Variants in RFX3 observed in about 807,000 individuals in gnomAD.
RFX3 encodes transcription factor RFX3.
RFX3 carries 14 observed loss-of-function variants against 98.6 expected under a neutral mutation model. That is an observed-to-expected ratio of 0.14 (90% CI 0.09 to 0.22). RFX3 has a LOEUF of 0.22. Among genes scored for constraint, RFX3 ranks in the 10% least tolerant of loss-of-function variants. The probability of loss-of-function intolerance (pLI) is 1.00; values close to 1 mark genes in which losing one functional copy is unlikely to be tolerated. For missense variants in RFX3, 639 were observed against 926.9 expected, an observed-to-expected ratio of 0.69 and a Z score of 4.03; for synonymous variants, 383 against 328.4, an observed-to-expected ratio of 1.17 and a Z score of -1.80.
In RFX3 at chr9:3,440,031, C is replaced by T. The variant is rs746434279; in HGVS notation, c.-8-44435G>A. ...AACTTAACAATCATCTAAATAGGCA[C>T]CTAAAAGTATTTAACAAATTCTAAC... is the stretch of plus-strand genomic sequence containing the variant. On this transcript the variant is annotated intron_variant, in intron 1 of 16. Coordinates refer to ENST00000617270, the MANE Select transcript of RFX3 (RefSeq NM_001282116.2). Among the ~76,000 whole-genome samples the T allele has an allele frequency of 1.0e-3, 156 of 151,856 alleles. 3 individuals carry two copies. The highest frequency in any genetic ancestry group is 2.9e-4 in the Non-Finnish European group (20 of 67,892).
In RFX3 at chr9:3,366,319, G is replaced by C. The variant is rs146830664; in HGVS notation, c.118-19555C>G. 1.6e-3 allele frequency among the ~76,000 whole-genome samples: 248 copies of C among 152,126 alleles called. 1 individual carries two copies. The highest frequency in any genetic ancestry group is 5.8e-3 in the African/African-American group (240 of 41,514). On this transcript the variant is annotated intron_variant, in intron 2 of 16. Transcript: ENST00000617270. ...ATGTGTGTTTTCCTACTTCTTGTTTGTTTTTTTGCACTTAACAATACATCT... is the reference window on the plus strand; with the variant it reads ...ATGTGTGTTTTCCTACTTCTTGTTTCTTTTTTTGCACTTAACAATACATCT...
At chr9:3,384,743 C>G (rs527374325) in intron 2 of RFX3, among the ~76,000 whole-genome samples, 2 of 152,042 alleles carry the variant, frequency 1.3e-5, no homozygotes, top group African/African-American at 4.8e-5. Flanking sequence ...CTCAAGATAC[C>G]AAGACACCTG....
chr9:3,225,393 T>C (rs1817647287), intron 16 of RFX3, 113 bp from the exon 17 acceptor site: 1 of 1,452,436 alleles, frequency 6.9e-7, no homozygotes, highest in African/African-American at 1.4e-5. Context: ...ACAGCTTAGC[T>C]CTTCTCAGGA....
intron 6 of RFX3, among the ~76,000 whole-genome samples, chr9:3,292,079 A>C (rs1207903446): frequency 7.0e-6 from 1 of 143,076 alleles, no homozygotes; most frequent in Non-Finnish European, 1.6e-5. Flanking sequence ...AAAAAAAAAA[A>C]AAAAAAAAAA....
chr9:3,407,023 T>C (rs1463883515), intron 1 of RFX3, among the ~76,000 whole-genome samples: 1 of 152,230 alleles, frequency 6.6e-6, no homozygotes, highest in Admixed American at 6.5e-5. Context: ...TCAGATCCAA[T>C]GCTCTAATCA....
At chr9:3,382,160 T>C (rs1156896975) in intron 2 of RFX3, among the ~76,000 whole-genome samples, 1 of 152,176 alleles carries the variant, frequency 6.6e-6, no homozygotes, top group Admixed American at 6.6e-5. Flanking sequence ...GCCTCCCAAG[T>C]AGTTGGGACT....
intron 7 of RFX3, among the ~76,000 whole-genome samples, chr9:3,283,984 T>G (rs1826255070): frequency 6.6e-6 from 1 of 151,798 alleles, no homozygotes; most frequent in African/African-American, 2.4e-5. Context: ...GACTTCGGTT[T>G]TCTCATCAAC....
At chr9:3,324,493 G>C (rs1049923887) in intron 4 of RFX3, among the ~76,000 whole-genome samples, 3 of 151,176 alleles carry the variant, frequency 2.0e-5, no homozygotes, top group African/African-American at 7.3e-5. Context: ...AAATATAAGG[G>C]AGTTCTTCGT....
chr9:3,362,045 T>C (rs914884710), intron 2 of RFX3, among the ~76,000 whole-genome samples: 2 of 152,192 alleles, frequency 1.3e-5, no homozygotes, highest in African/African-American at 4.8e-5. Flanking sequence ...GTATAATTTG[T>C]AGGTAAGGAT....
chr9:3,360,715 T>A (rs2120169), intron 2 of RFX3, among the ~76,000 whole-genome samples: 41,477 of 151,928 alleles, frequency 0.27, 10,163 homozygotes, highest in African/African-American at 0.66. Flanking sequence ...TATTATTTTT[T>A]AAAAAAGTGA....
At position 3,525,976 on chromosome 9, in the gene RFX3, C is replaced by A. The variant is rs938475925; in HGVS notation, c.-238G>T. ...AGAGAGCGAGAGGGAGAGGGAGACA[C>A]TCGCACGGGGAGGGGTGGGGGAGGG... On this transcript the variant is annotated 5_prime_UTR_variant, in exon 1 of 17. Coordinates refer to ENST00000617270, the MANE Select transcript of RFX3 (RefSeq NM_001282116.2). The A allele has an allele frequency of 5.9e-6, 1 of 170,088 alleles. No individual in the cohort carries two copies. Among genetic ancestry groups the A allele is most frequent in the Admixed American group, 7.2e-5 (1 of 13,948 alleles). 10.5% of individuals were successfully genotyped at this position (170,088 alleles called of 1,614,324 possible). A position where few individuals can be genotyped will look rare whatever the true frequency, so the allele number is the denominator to read the frequency against.
At chr9:3,358,606 A>G (rs2131348732) in intron 2 of RFX3, among the ~76,000 whole-genome samples, 1 of 152,300 alleles carries the variant, frequency 6.6e-6, no homozygotes, top group Non-Finnish European at 1.5e-5. Flanking sequence ...ATGGAAGACC[A>G]AATTAAATAG....
At chr9:3,512,699 TGGTGCTCAAAAAGA>T (rs2133847113) in intron 1 of RFX3, among the ~76,000 whole-genome samples, 1 of 152,162 alleles carries the variant, frequency 6.6e-6, no homozygotes, top group South Asian at 2.1e-4. Context: ...AAAACAAATG[TGGTGCTCAAAAAGA>T]GGCTAAGTAC....
chr9:3,246,037 C>G (rs1820619652), intron 15 of RFX3, among the ~76,000 whole-genome samples: 1 of 152,108 alleles, frequency 6.6e-6, no homozygotes. Context: ...GCCAATAGAT[C>G]TATGAGAGCA....
At position 3,295,761 on chromosome 9, in the gene RFX3, T is replaced by C. The variant is rs1827912485; in HGVS notation, c.550-2503A>G. Among the ~76,000 whole-genome samples, 3 of 152,058 alleles carry C rather than the reference T, an allele frequency of 2.0e-5. No individual in the cohort carries two copies. The South Asian group carries it at 6.2e-4, about 31-fold the overall frequency. ...AACTCAATATTGCTTCCTTTGCTAA[T>C]GAACAGAAGACATATCATATAGAAA... On this transcript the variant is annotated intron_variant, in intron 5 of 16. Coordinates refer to ENST00000617270, the MANE Select transcript of RFX3 (RefSeq NM_001282116.2).
In RFX3 at chr9:3,235,607, A is replaced by C. The variant is rs111995349; in HGVS notation, c.1969-6718T>G. On this transcript the variant is annotated intron_variant, in intron 15 of 16. Transcript: ENST00000617270. ...TTGTGGTTCTTTCTGAAGTGTCTAG[A>C]AAAGAATTTTTTTTACCTCTTTTTC... Among the ~76,000 whole-genome samples, 379 of 152,254 alleles carry C rather than the reference A, an allele frequency of 2.5e-3. 3 individuals are homozygous for C. The highest frequency in any genetic ancestry group is 8.9e-3 in the African/African-American group (369 of 41,540).
intron 1 of RFX3, among the ~76,000 whole-genome samples, chr9:3,463,475 C>T (rs1302484657): frequency 6.7e-6 from 1 of 150,070 alleles, no homozygotes; most frequent in Non-Finnish European, 1.5e-5. Flanking sequence ...ACAAAAAGCA[C>T]AAAGGAAAAA....
chr9:3,506,708 G>C (rs566958363), intron 1 of RFX3, among the ~76,000 whole-genome samples: 1 of 151,620 alleles, frequency 6.6e-6, no homozygotes, highest in African/African-American at 2.4e-5. Flanking sequence ...ATAGAGAAAT[G>C]TATATATATA....
At chr9:3,499,392 A>G (rs1815732251) in intron 1 of RFX3, among the ~76,000 whole-genome samples, 1 of 152,076 alleles carries the variant, frequency 6.6e-6, no homozygotes, top group South Asian at 2.1e-4. Context: ...CATTATAAAA[A>G]CAGATTTTTT....
Sources: gnomAD v4.1 joint callset for allele counts (sites outside exome capture counted in the v4.1 genomes callset) on GRCh38, gnomAD v4.1.1 for gene constraint, MANE v1.5 for transcripts, NCBI Gene and HGNC (gene_info 2026-07-23, HGNC 2026-07-21) for gene names.